DDR2: variants seen among roughly 807,000 people sequenced by gnomAD.
DDR2 encodes the protein discoidin domain receptor tyrosine kinase 2.
DDR2 carries 27 observed loss-of-function variants against 94.9 expected under a neutral mutation model. The ratio of observed to expected loss-of-function variants is 0.28; its 90% CI spans 0.21 to 0.39. The LOEUF (loss-of-function observed/expected upper bound fraction) is 0.39, where lower values mean the gene tolerates loss of function less well. DDR2 is among the 10% of genes least tolerant of loss of function. The pLI is 1.00. For synonymous variants in DDR2, 382 were observed against 377.2 expected (o/e 1.01, Z -0.15); for missense variants, 783 against 1,076.0 (o/e 0.73, Z 3.81).
chr1:162,734,489 A>G (rs1415374573), intron 3 of DDR2, among the ~76,000 whole-genome samples: 2 of 152,238 alleles, frequency 1.3e-5, no homozygotes, highest in Non-Finnish European at 2.9e-5. Flanking sequence ...TTAAACAATT[A>G]TTTACATTAC....
intron 2 of DDR2, among the ~76,000 whole-genome samples, chr1:162,677,935 G>T (rs937455822): frequency 2.0e-5 from 3 of 152,184 alleles, no homozygotes; most frequent in South Asian, 2.1e-4. Flanking sequence ...TTGAGCAAAG[G>T]TTTTTTTATT....
intron 7 of DDR2, among the ~76,000 whole-genome samples, chr1:162,757,064 G>A (rs1663496979): frequency 6.6e-6 from 1 of 152,114 alleles, no homozygotes; most frequent in South Asian, 2.1e-4. Context: ...AAGTATATGA[G>A]CAAGAGATAG....
At chr1:162,634,692 A>G (rs539845877) in intron 1 of DDR2, among the ~76,000 whole-genome samples, 1 of 152,222 alleles carries the variant, frequency 6.6e-6, no homozygotes, top group South Asian at 2.1e-4. Flanking sequence ...ATTCTCCTCC[A>G]CTGGCCTGGT....
chr1:162,730,980 G>T (rs1239782268), intron 3 of DDR2, among the ~76,000 whole-genome samples: 1 of 152,230 alleles, frequency 6.6e-6, no homozygotes, highest in Non-Finnish European at 1.5e-5. Context: ...GCAAATGGCT[G>T]AAAGTGGCTA....
intron 2 of DDR2, among the ~76,000 whole-genome samples, chr1:162,658,829 A>AAATGAATAAATAAATAAATAAAT (rs60623253): frequency 7.5e-6 from 1 of 133,622 alleles, no homozygotes; most frequent in Non-Finnish European, 1.6e-5. Context: ...CCTGTCTCAA[A>AAATGAATAAATAAATAAATAAAT]AAATAAATAA....
At chr1:162,642,250 C>A (rs917542790) in intron 1 of DDR2, among the ~76,000 whole-genome samples, 1 of 152,000 alleles carries the variant, frequency 6.6e-6, no homozygotes, top group East Asian at 1.9e-4. Context: ...AGCCACCATG[C>A]CTGGCCTATT....
chr1:162,655,185 A>G (rs1377677835), intron 1 of DDR2, 26 bp from the exon 2 acceptor site: 1 of 152,218 alleles, frequency 6.6e-6, no homozygotes, highest in Non-Finnish European at 1.5e-5. Context: ...AGTCTATAAT[A>G]AAATATTGCT....
intron 2 of DDR2, among the ~76,000 whole-genome samples, chr1:162,670,187 T>A (rs1658764106): frequency 6.6e-6 from 1 of 152,220 alleles, no homozygotes; most frequent in African/African-American, 2.4e-5. Context: ...CTCAGCTCAC[T>A]GCGACCTCTG....
chr1:162,651,736 A>G (rs1204578735), intron 1 of DDR2, among the ~76,000 whole-genome samples: 1 of 152,242 alleles, frequency 6.6e-6, no homozygotes, highest in Non-Finnish European at 1.5e-5. Context: ...TAATAATCTT[A>G]ATCTCCTAAC....
chr1:162,684,854 C>T (rs1042307980), intron 2 of DDR2, among the ~76,000 whole-genome samples: 12 of 144,338 alleles, frequency 8.3e-5, no homozygotes, highest in African/African-American at 2.9e-4. Context: ...CACACACACA[C>T]ATACATGAAT....
chr1:162,766,240 TC>T (rs1056285192), intron 10 of DDR2, among the ~76,000 whole-genome samples, 177 bp downstream of exon 10: 4 of 152,074 alleles, frequency 2.6e-5, no homozygotes, highest in Admixed American at 2.6e-4. Flanking sequence ...CCAAATATAC[TC>T]TCTTCACTAT....
At chr1:162,659,665 C>T (rs1658194802) in intron 2 of DDR2, among the ~76,000 whole-genome samples, 1 of 152,172 alleles carries the variant, frequency 6.6e-6, no homozygotes, top group Non-Finnish European at 1.5e-5. Context: ...GATGACTTTA[C>T]TGTTAGAGAT....
rs1298485623 is a variant in DDR2 at position 162,634,766 on chromosome 1, C to T, written c.-192+2135C>T. ...GACACTGTGCTTGGTGAAGCATCCC[C>T]TGTCTCTGAAAAGGAAGTGTTTAGT... On this transcript the variant is annotated intron_variant, in intron 1 of 17. Coordinates refer to ENST00000367921, the MANE Select transcript of DDR2 (RefSeq NM_006182.4). Among the ~76,000 whole-genome samples, 4 of 152,236 alleles carry T rather than the reference C, an allele frequency of 2.6e-5. 1 individual carries two copies. The highest frequency in any genetic ancestry group is 4.1e-4 in the South Asian group (2 of 4,832).
At chr1:162,764,572 T>C (rs1663905833) in intron 9 of DDR2, among the ~76,000 whole-genome samples, 1 of 151,922 alleles carries the variant, frequency 6.6e-6, no homozygotes, top group Admixed American at 6.6e-5. Context: ...AATTTAAAGA[T>C]AAACCACACT....
chr1:162,768,868 C>T (rs375565153), intron 11 of DDR2, among the ~76,000 whole-genome samples: 34 of 152,314 alleles, frequency 2.2e-4, no homozygotes, highest in South Asian at 6.2e-4. Context: ...GAGTATGTCT[C>T]AAGGCATGAA....
chr1:162,778,563 TTTCTTTACTTAA>T lies in DDR2; in HGVS notation c.2284-16_2284-5del, dbSNP rs1298271005. 1.2e-6 allele frequency: 2 copies of T among 1,613,924 alleles called. No homozygotes were observed. On this transcript the variant is annotated splice_polypyrimidine_tract_variant and splice_region_variant and intron_variant, in intron 16 of 17. Coordinates refer to ENST00000367921, the MANE Select transcript of DDR2 (RefSeq NM_006182.4). The stretch of plus-strand genomic sequence containing the variant: ...ACAGGTTATTCTGATTTCCCATTCT[TTTCTTTACTTAA>T]ATAGGGCAAGTTCACTACAGCAAGT...
intron 1 of DDR2, among the ~76,000 whole-genome samples, chr1:162,642,414 A>G (rs1571134146): frequency 6.7e-6 from 1 of 150,294 alleles, no homozygotes; most frequent in African/African-American, 2.4e-5. Context: ...CTGGGATTAC[A>G]GGCATGCGTC....
intron 14 of DDR2, among the ~76,000 whole-genome samples, chr1:162,773,862 T>A (rs557339783): frequency 5.6e-4 from 85 of 152,322 alleles, no homozygotes; most frequent in African/African-American, 2.0e-3. Flanking sequence ...CTGTACTTGT[T>A]CCCAACATAT....
At chr1:162,683,125 AT>A (rs1272961763) in intron 2 of DDR2, among the ~76,000 whole-genome samples, 2 of 152,220 alleles carry the variant, frequency 1.3e-5, no homozygotes, top group African/African-American at 4.8e-5. Context: ...GCAGAAAATT[AT>A]TTGACAAAAT....
Sources: gnomAD v4.1 joint callset for allele counts (sites outside exome capture counted in the v4.1 genomes callset) on GRCh38, gnomAD v4.1.1 for gene constraint, MANE v1.5 for transcripts, NCBI Gene and HGNC (gene_info 2026-07-23, HGNC 2026-07-21) for gene names.